DLG1: variants seen among roughly 807,000 people sequenced by gnomAD.
DLG1 encodes the protein discs large MAGUK scaffold protein 1.
Under a neutral mutation model 123.4 loss-of-function variants are expected in DLG1, and 42 were observed. The ratio of observed to expected loss-of-function variants is 0.34; its 90% CI spans 0.27 to 0.44. DLG1 has a LOEUF of 0.44. Ranked by LOEUF, DLG1 falls within the 20% of genes least tolerant of loss-of-function variation. The pLI is 1.00. For synonymous variants in DLG1, 317 were observed against 356.2 expected, an observed-to-expected ratio of 0.89 and a Z score of 1.24; for missense variants, 942 against 1,082.6, an observed-to-expected ratio of 0.87 and a Z score of 1.82.
At chr3:197,062,493 T>C (rs571464117) in intron 22 of DLG1, among the ~76,000 whole-genome samples, 2 of 152,358 alleles carry the variant, frequency 1.3e-5, no homozygotes, top group South Asian at 4.1e-4. Context: ...AATATGTTAT[T>C]ATCATTTATC....
intron 5 of DLG1, among the ~76,000 whole-genome samples, chr3:197,176,337 T>G (rs1290139133): frequency 6.7e-6 from 1 of 150,238 alleles, no homozygotes; most frequent in Non-Finnish European, 1.5e-5. Context: ...AGTCCATAAT[T>G]TACATGAGAG....
At chr3:197,277,027 G>A (rs1415870921) in intron 4 of DLG1, among the ~76,000 whole-genome samples, 1 of 151,606 alleles carries the variant, frequency 6.6e-6, no homozygotes, top group Non-Finnish European at 1.5e-5. Flanking sequence ...GAGTAGCTGG[G>A]ACCACAGGAG....
At chr3:197,127,002 T>G (rs542512793) in intron 11 of DLG1, among the ~76,000 whole-genome samples, 8 of 152,198 alleles carry the variant, frequency 5.3e-5, no homozygotes, top group African/African-American at 1.9e-4. Context: ...TTTAAGATCT[T>G]TATTATTTAC....
intron 11 of DLG1, among the ~76,000 whole-genome samples, chr3:197,127,438 A>T (rs1779782590): frequency 4.5e-5 from 2 of 44,524 alleles, no homozygotes; most frequent in African/African-American, 2.1e-4. Flanking sequence ...AAAAAAAAAA[A>T]AAAAAAAAAA....
chr3:197,185,474 G>A (rs754470025), intron 5 of DLG1, among the ~76,000 whole-genome samples: 13 of 152,152 alleles, frequency 8.5e-5, no homozygotes, highest in African/African-American at 2.9e-4. Flanking sequence ...GGACTGTGCC[G>A]GCAGTAGCTG....
intron 4 of DLG1, among the ~76,000 whole-genome samples, chr3:197,278,282 CAAAAAA>C (rs71164203): frequency 2.7e-5 from 1 of 37,492 alleles, no homozygotes; most frequent in African/African-American, 1.2e-4. Context: ...GACTCTGTCC[CAAAAAA>C]AAAAAAAAAA....
intron 10 of DLG1, among the ~76,000 whole-genome samples, chr3:197,131,387 G>A (rs971568236): frequency 1.3e-5 from 2 of 151,426 alleles, no homozygotes; most frequent in African/African-American, 4.9e-5. Flanking sequence ...TTCTACTTTC[G>A]TAATACTCAA....
In DLG1 at chr3:197,286,452, C is replaced by T. The variant is rs113122250; in HGVS notation, c.152-3607G>A. On this transcript the variant is annotated intron_variant, in intron 3 of 24. Transcript: ENST00000667157. Reference sequence around the variant, plus strand: ...CTAGATCCCTTGCACGCGCAGTTCACGACAGGGTTCATGCTCCTGTGAGAA... The same window carrying T: ...CTAGATCCCTTGCACGCGCAGTTCATGACAGGGTTCATGCTCCTGTGAGAA... 3.3e-3 allele frequency among the ~76,000 whole-genome samples: 502 copies of T among 152,290 alleles called. 2 individuals are homozygous for T. The highest frequency in any genetic ancestry group is 0.011 in the African/African-American group (464 of 41,554).
intron 11 of DLG1, among the ~76,000 whole-genome samples, chr3:197,122,355 T>C (rs1776873529): frequency 6.6e-6 from 1 of 152,118 alleles, no homozygotes; most frequent in Non-Finnish European, 1.5e-5. Flanking sequence ...GGTAACACCA[T>C]ATACAATGGT....
intron 6 of DLG1, among the ~76,000 whole-genome samples, chr3:197,147,183 T>C (rs1480563447): frequency 6.6e-6 from 1 of 152,074 alleles, no homozygotes; most frequent in Non-Finnish European, 1.5e-5. Flanking sequence ...ACTTTTACAC[T>C]GTTGATGGGA....
chr3:197,099,617 C>T (rs28579340), intron 14 of DLG1, among the ~76,000 whole-genome samples: 1 of 151,930 alleles, frequency 6.6e-6, no homozygotes, highest in East Asian at 1.9e-4. Context: ...ATTTGATATC[C>T]CCTTTCAAAT....
intron 3 of DLG1, among the ~76,000 whole-genome samples, chr3:197,286,521 C>A (rs1171827480): frequency 1.3e-5 from 2 of 152,144 alleles, no homozygotes; most frequent in African/African-American, 4.8e-5. Flanking sequence ...GCTCAGGTGG[C>A]AATCGCTCGC....
intron 4 of DLG1, among the ~76,000 whole-genome samples, chr3:197,232,604 A>C (rs1274643616): frequency 6.6e-6 from 1 of 152,174 alleles, no homozygotes; most frequent in African/African-American, 2.4e-5. Flanking sequence ...ATTCATCAGA[A>C]GCAAATGAAC....
At chr3:197,126,212 A>C (rs1291565686) in intron 11 of DLG1, among the ~76,000 whole-genome samples, 2 of 152,188 alleles carry the variant, frequency 1.3e-5, no homozygotes, top group African/African-American at 2.4e-5. Context: ...TCGGTGGCTC[A>C]TGCCTATAAT....
At position 197,273,186 on chromosome 3, in the gene DLG1, A is replaced by ATG. The variant is rs1365600529; in HGVS notation, c.318+9492_318+9493insCA. The stretch of plus-strand genomic sequence containing the variant: ...TCAGATTAAACCTGGTACACTGAAT[A>ATG]TATGTGTGTGTGTGTGTGTGTGTGT... On this transcript the variant is annotated intron_variant, in intron 4 of 24. Coordinates refer to ENST00000667157, the MANE Select transcript of DLG1 (RefSeq NM_001366207.1). 9.4e-5 allele frequency among the ~76,000 whole-genome samples: 11 copies of ATG among 117,378 alleles called. No individual in the cohort carries two copies. In the South Asian group the frequency reaches 1.5e-3, roughly 16 times the overall value. 77.0% of individuals were successfully genotyped at this position (117,378 alleles called of 152,430 possible). A position where few individuals can be genotyped will look rare whatever the true frequency, so the allele number is the denominator to read the frequency against.
chr3:197,291,340 C>CAG lies in DLG1; in HGVS notation c.151+5004_151+5005dup, dbSNP rs774203735. ...ACACACACACACACACACACACACA[C>CAG]AGTTAGCAAGAGACTAAAATGTAAC... On this transcript the variant is annotated intron_variant, in intron 3 of 24. Transcript: ENST00000667157. 6.7e-3 allele frequency among the ~76,000 whole-genome samples: 978 copies of CAG among 146,592 alleles called. 4 individuals are homozygous for CAG. Among genetic ancestry groups the CAG allele is most frequent in the Non-Finnish European group, 8.8e-3 (585 of 66,422 alleles).
intron 4 of DLG1, among the ~76,000 whole-genome samples, chr3:197,215,046 A>G (rs1053215810): frequency 2.6e-5 from 4 of 152,372 alleles, no homozygotes; most frequent in African/African-American, 9.6e-5. Context: ...CACTATCAAA[A>G]TATTAAATAC....
intron 5 of DLG1, among the ~76,000 whole-genome samples, chr3:197,188,354 T>C (rs1717325041): frequency 6.6e-6 from 1 of 152,194 alleles, no homozygotes; most frequent in South Asian, 2.1e-4. Flanking sequence ...AATTTCTCCC[T>C]CTTTCATGTC....
intron 2 of DLG1, chr3:197,296,966 A>G: frequency 2.2e-6 from 1 of 454,430 alleles, no homozygotes; most frequent in South Asian, 2.3e-5. Flanking sequence ...GGGGGGGCTA[A>G]CTGCCTCTCT....
Sources: allele counts gnomAD v4.1 joint callset (sites outside exome capture counted in the v4.1 genomes callset), GRCh38; gene constraint gnomAD v4.1.1; transcripts MANE v1.5; gene names NCBI Gene and HGNC (gene_info 2026-07-23, HGNC 2026-07-21).